Variants in LAT2 observed in about 807,000 individuals in gnomAD.
LAT2 encodes linker for activation of T cells family member 2, also known as linker for activation of T-cells family member 2.
A neutral mutation model predicts 43.4 loss-of-function variants in LAT2; 23 were observed. The ratio of observed to expected loss-of-function variants is 0.53; its 90% CI spans 0.38 to 0.75. The LOEUF is 0.75. Ranked by LOEUF, LAT2 falls within the 30% of genes least tolerant of loss-of-function variation. The pLI is 0.00. For synonymous variants in LAT2, 128 were observed against 123.2 expected (o/e 1.04, Z -0.26); for missense variants, 284 against 310.2 (o/e 0.92, Z 0.64).
At chr7:74,214,281 AAT>A (rs1241230673) in intron 1 of LAT2, among the ~76,000 whole-genome samples, 1 of 84,430 alleles carries the variant, frequency 1.2e-5, no homozygotes, top group African/African-American at 5.3e-5. Context: ...TATATATATA[AAT>A]ATATATATGA....
chr7:74,221,728 G>A, intron 10 of LAT2, 36 bp downstream of exon 10: 1 of 1,587,982 alleles, frequency 6.3e-7, no homozygotes, highest in Non-Finnish European at 8.6e-7. Flanking sequence ...TGGAGGAAGT[G>A]GTGTGGGAGC....
In LAT2 at chr7:74,219,777, G is replaced by A. The variant is rs1005011661; in HGVS notation, c.168G>A (p.Arg56=). The A allele has an allele frequency of 6.2e-7, 1 of 1,614,110 alleles. No individual in the cohort carries two copies. The highest frequency in any genetic ancestry group is 1.3e-5 in the African/African-American group (1 of 75,052). ...ACCAACAGAGCTTTACGGGGTCCCG[G>A]ACCTACTCCTGTGAGTCTCCAAGTG... ...REDQQSFTGS[R]TYSLVGQAWP... is the part of the protein sequence containing the mutation. Residue 56 remains arginine, a synonymous_variant, in exon 5 of 14, where the codon CGG becomes CGA. Transcript: ENST00000460943.
chr7:74,223,678 G>A, intron 10 of LAT2, 46 bp from the exon 11 acceptor site: 1 of 1,567,934 alleles, frequency 6.4e-7, no homozygotes. Flanking sequence ...GCCAGGCTTT[G>A]CAGGGTCTGC....
chr7:74,227,745 T>C (rs933746815), intron 13 of LAT2, among the ~76,000 whole-genome samples: 1 of 152,080 alleles, frequency 6.6e-6, no homozygotes, highest in African/African-American at 2.4e-5. Context: ...TAGTGGCGCA[T>C]ACGTGTAGTC....
At chr7:74,224,831 C>A in intron 13 of LAT2, 71 bp downstream of exon 13, 1 of 1,148,480 alleles carries the variant, frequency 8.7e-7, no homozygotes, top group Non-Finnish European at 1.2e-6. Flanking sequence ...GACCCCCAAT[C>A]CAAGGGAACA....
At chr7:74,223,471 A>C (rs1802366226) in intron 10 of LAT2, among the ~76,000 whole-genome samples, 1 of 152,182 alleles carries the variant, frequency 6.6e-6, no homozygotes, top group Admixed American at 6.5e-5. Flanking sequence ...CCTGGGTGAC[A>C]GAGCAAGACC....
intron 13 of LAT2, among the ~76,000 whole-genome samples, chr7:74,226,800 G>A (rs764848857): frequency 4.6e-5 from 7 of 152,150 alleles, no homozygotes; most frequent in Admixed American, 1.3e-4. Flanking sequence ...TAAGGAAGGC[G>A]GCTAGGGAAG....
intron 4 of LAT2, among the ~76,000 whole-genome samples, chr7:74,219,009 CTTTTTTTTTTTTTTTTTTT>C (rs781806954): frequency 5.6e-3 from 274 of 48,794 alleles, no homozygotes; most frequent in African/African-American, 0.018. Flanking sequence ...AGAGTGTGTG[CTTTTTTTTTTTTTTTTTTT>C]TTTTTTTTTT....
chr7:74,214,387 TAA>T (rs1458918580), intron 1 of LAT2, among the ~76,000 whole-genome samples: 3 of 60,654 alleles, frequency 4.9e-5, no homozygotes, highest in Non-Finnish European at 8.3e-5. Context: ...AATATATATA[TAA>T]ATATATATAT....
chr7:74,215,863 T>C, intron 2 of LAT2, 84 bp from the exon 3 acceptor site: 1 of 920,478 alleles, frequency 1.1e-6, no homozygotes, highest in African/African-American at 1.6e-5. Context: ...TAGGCTCAGG[T>C]ATGGGGCTGT....
chr7:74,214,165 AATATATATATGAAAATATATAT>A, intron 1 of LAT2, among the ~76,000 whole-genome samples: 2 of 98,366 alleles, frequency 2.0e-5, no homozygotes, highest in East Asian at 2.5e-4. Flanking sequence ...TATATATGAA[AATATATATATGAAAATATATAT>A]AAATATATAT....
Position 74,220,796 on chromosome 7 carries a change from GC to G in LAT2, c.332+66del. ...CTCCCCCTGCCCCACCTCTCCCCCT[GC>G]CCCACCTCTCCCCCTGCCCCACCTG... On this transcript the variant is annotated intron_variant, in intron 9 of 13. Transcript: ENST00000460943. This position sits in a 1 kb window ranked among gnomAD's most constrained non-coding sequence, Gnocchi z 4.5. 7.7e-7 allele frequency: 1 copy of G among 1,301,626 alleles called. No homozygotes were observed. The highest frequency in any genetic ancestry group is 1.0e-6 in the Non-Finnish European group (1 of 990,304). 80.6% of individuals were successfully genotyped at this position (1,301,626 alleles called of 1,614,324 possible).
rs182803391 is a variant in LAT2 at position 74,218,909 on chromosome 7, G to A, written c.135-835G>A. On this transcript the variant is annotated intron_variant, in intron 4 of 13. Transcript: ENST00000460943. ...ACGGGGTTTTCTCCATGTTGGTCAGGCTGGTCTTGAACTCCCAACCTCAGG... is the reference window on the plus strand; with the variant it reads ...ACGGGGTTTTCTCCATGTTGGTCAGACTGGTCTTGAACTCCCAACCTCAGG... 5.3e-5 allele frequency among the ~76,000 whole-genome samples: 8 copies of A among 151,214 alleles called. No homozygotes were observed. The East Asian group carries it at 1.6e-3, about 29-fold the overall frequency.
At chr7:74,223,573 C>A in intron 10 of LAT2, 151 bp from the exon 11 acceptor site, 1 of 697,144 alleles carries the variant, frequency 1.4e-6, no homozygotes, top group Non-Finnish European at 2.5e-6. Context: ...GAAGCTCATC[C>A]AGAAGAAGGC....
chr7:74,223,870 G>T lies in LAT2; in HGVS notation c.448+87G>T, dbSNP rs1438685595. On this transcript the variant is annotated intron_variant, in intron 11 of 13. Coordinates refer to ENST00000460943, the MANE Select transcript of LAT2 (RefSeq NM_032464.3). ...CCCCTGCACTCCCCACTGCTCAAAGGCCGCCCCCACTTTGAAGCCTGAAGG... is the reference window on the plus strand; with the variant it reads ...CCCCTGCACTCCCCACTGCTCAAAGTCCGCCCCCACTTTGAAGCCTGAAGG... The T allele has an allele frequency of 2.0e-6, 3 of 1,497,208 alleles. No individual in the cohort carries two copies. In the African/African-American group the frequency reaches 4.2e-5, roughly 21 times the overall value. The allele number at this position is 1,497,208 out of a possible 1,614,324, so 92.7% of individuals were successfully genotyped here. A position where few individuals can be genotyped will look rare whatever the true frequency, so the allele number is the denominator to read the frequency against.
chr7:74,223,956 C>T (rs1554715680), intron 11 of LAT2, 62 bp from the exon 12 acceptor site: 1 of 1,557,072 alleles, frequency 6.4e-7, no homozygotes, highest in African/African-American at 1.4e-5. Context: ...GGAGGCAGCT[C>T]TATTGGCTCC....
chr7:74,219,410 A>G (rs555107197), intron 4 of LAT2, among the ~76,000 whole-genome samples: 24 of 152,198 alleles, frequency 1.6e-4, no homozygotes, highest in African/African-American at 5.8e-4. Context: ...CCCTGTCCAC[A>G]GACCCCTCCT....
In LAT2 at chr7:74,224,058, C is replaced by A. The variant is rs782164815; in HGVS notation, c.489C>A (p.Asp163Glu). Residue 163 changes from aspartate to glutamate, a missense_variant, in exon 12 of 14, where the codon GAC (aspartate) becomes GAA (glutamate). Physicochemically the swap from Asp to Glu is conservative, Grantham distance 45. Coordinates refer to ENST00000460943, the MANE Select transcript of LAT2 (RefSeq NM_032464.3). ...QEGIGGLCRG[D>E]LSLSLALKTG... is the part of the protein sequence containing the mutation. The stretch of plus-strand genomic sequence containing the variant: ...GCATAGGTGGCCTCTGCAGAGGGGA[C>A]CTCAGCCTGTCACTGGCCCTGAAGA... 6.2e-7 allele frequency: 1 copy of A among 1,614,182 alleles called. No homozygotes were observed. Among genetic ancestry groups the A allele is most frequent in the Non-Finnish European group, 8.5e-7 (1 of 1,180,016 alleles).
chr7:74,217,758 C>A (rs782374105), intron 4 of LAT2, among the ~76,000 whole-genome samples: 8 of 152,198 alleles, frequency 5.3e-5, no homozygotes, highest in Non-Finnish European at 1.2e-4. Context: ...CACAGGTGTC[C>A]TTTGATTAAG....
Sources: allele counts gnomAD v4.1 joint callset (sites outside exome capture counted in the v4.1 genomes callset), GRCh38; gene constraint gnomAD v4.1.1; non-coding constraint Gnocchi (gnomAD v3.1); transcripts MANE v1.5; gene names NCBI Gene and HGNC (gene_info 2026-07-23, HGNC 2026-07-21).